Variants in RABGAP1L observed in about 807,000 individuals in gnomAD.
RABGAP1L encodes RAB GTPase activating protein 1 like.
A neutral mutation model predicts 137.7 loss-of-function variants in RABGAP1L; 63 were observed. That is an observed-to-expected ratio of 0.46 (90% confidence interval 0.37 to 0.56). The LOEUF (loss-of-function observed/expected upper bound fraction) is 0.56. Ranked by LOEUF, RABGAP1L falls within the 20% of genes least tolerant of loss-of-function variation. The pLI is 0.00. For synonymous variants in RABGAP1L, 431 were observed against 433.7 expected (o/e 0.99, Z 0.08); for missense variants, 1,095 against 1,244.0 (o/e 0.88, Z 1.80).
At position 174,556,204 on chromosome 1, in the gene RABGAP1L, G is replaced by A. The variant is rs1420948560; in HGVS notation, c.1711-81171G>A. ...GTAGAAATGGGGTTTCACCATCTTG[G>A]CCAGGTTGTTCTCGAACTCCTGACC... On this transcript the variant is annotated intron_variant, in intron 13 of 25. Transcript: ENST00000681986. 5.9e-5 allele frequency among the ~76,000 whole-genome samples: 9 copies of A among 151,796 alleles called. No individual in the cohort carries two copies. In the South Asian group the frequency reaches 1.9e-3, roughly 32 times the overall value.
intron 10 of RABGAP1L, among the ~76,000 whole-genome samples, chr1:174,292,451 G>A (rs894004061): frequency 2.1e-5 from 3 of 142,896 alleles, no homozygotes; most frequent in African/African-American, 5.2e-5. Context: ...AATATATTGT[G>A]TGTTCATTTT....
chr1:174,741,107 G>A (rs1453768833), intron 17 of RABGAP1L, among the ~76,000 whole-genome samples: 1 of 147,884 alleles, frequency 6.8e-6, no homozygotes, highest in Non-Finnish European at 1.5e-5. Context: ...CTTATTTTTG[G>A]TTTTGTTGCC....
chr1:174,836,050 C>G (rs1364201799), intron 19 of RABGAP1L, among the ~76,000 whole-genome samples: 1 of 152,194 alleles, frequency 6.6e-6, no homozygotes, highest in Non-Finnish European at 1.5e-5. Context: ...AAAAAATAAA[C>G]TATTATTTTA....
At chr1:174,456,270 AAC>A (rs1481938820) in intron 13 of RABGAP1L, among the ~76,000 whole-genome samples, 16 of 152,060 alleles carry the variant, frequency 1.1e-4, no homozygotes, top group African/African-American at 3.9e-4. Context: ...TCCTTTTGAA[AAC>A]ACAGCAGTCA....
At chr1:174,566,455 T>G (rs76241953) in intron 13 of RABGAP1L, among the ~76,000 whole-genome samples, 2,512 of 152,252 alleles carry the variant, frequency 0.016, 45 homozygotes, top group African/African-American at 0.058. Context: ...TCATGGTTGA[T>G]GTTTTGTGGC....
intron 17 of RABGAP1L, among the ~76,000 whole-genome samples, chr1:174,715,073 A>T (rs1006990988): frequency 1.3e-5 from 2 of 152,184 alleles, no homozygotes; most frequent in Non-Finnish European, 1.5e-5. Context: ...TGGTAGCTGG[A>T]TCCAAATCAT....
intron 19 of RABGAP1L, among the ~76,000 whole-genome samples, chr1:174,889,437 T>A (rs1655743783): frequency 6.6e-6 from 1 of 152,106 alleles, no homozygotes; most frequent in African/African-American, 2.4e-5. Context: ...TTATTTTTAT[T>A]TGAGACAGGT....
chr1:174,956,881 C>T (rs1668587775), intron 19 of RABGAP1L, among the ~76,000 whole-genome samples: 1 of 152,092 alleles, frequency 6.6e-6, no homozygotes, highest in Admixed American at 6.5e-5. Flanking sequence ...CTCCTGACCT[C>T]AAGTGATCCG....
intron 13 of RABGAP1L, among the ~76,000 whole-genome samples, chr1:174,422,723 G>A (rs778696229): frequency 5.3e-5 from 8 of 151,854 alleles, no homozygotes; most frequent in Non-Finnish European, 8.8e-5. Context: ...CAAGGCAGGC[G>A]GATCACCTGA....
chr1:174,781,900 G>T (rs931952881), intron 18 of RABGAP1L, among the ~76,000 whole-genome samples: 3 of 152,142 alleles, frequency 2.0e-5, no homozygotes, highest in East Asian at 1.9e-4. Flanking sequence ...ATTTCTAAGG[G>T]CTCTGTTCTG....
intron 11 of RABGAP1L, among the ~76,000 whole-genome samples, chr1:174,311,716 C>G (rs989627531): frequency 3.3e-5 from 5 of 152,206 alleles, no homozygotes; most frequent in Admixed American, 6.5e-5. Context: ...AAGCGATTCT[C>G]TTGCCTCAGC....
At chr1:174,311,579 A>C (rs1414131288) in intron 11 of RABGAP1L, among the ~76,000 whole-genome samples, 1 of 152,178 alleles carries the variant, frequency 6.6e-6, no homozygotes, top group Admixed American at 6.5e-5. Flanking sequence ...TCTCCAGTTC[A>C]ATCCATGTTG....
At chr1:174,280,089 G>GAGAGAC (rs1241461814) in intron 10 of RABGAP1L, among the ~76,000 whole-genome samples, 11 of 146,950 alleles carry the variant, frequency 7.5e-5, no homozygotes, top group Admixed American at 6.7e-4. Flanking sequence ...GAGAGAGAGA[G>GAGAGAC]AGACATTAAA....
chr1:174,432,651 C>T (rs560927452), intron 13 of RABGAP1L, among the ~76,000 whole-genome samples: 1 of 152,294 alleles, frequency 6.6e-6, no homozygotes, highest in African/African-American at 2.4e-5. Context: ...AATTCTCCTG[C>T]CTCAGCCTCC....
chr1:174,853,184 C>T (rs773903214), intron 19 of RABGAP1L, among the ~76,000 whole-genome samples: 10 of 148,510 alleles, frequency 6.7e-5, no homozygotes, highest in Middle Eastern at 3.6e-3. Flanking sequence ...TAATAATTTG[C>T]ATAATATGAT....
chr1:174,843,042 A>G (rs537899421), intron 19 of RABGAP1L, among the ~76,000 whole-genome samples: 37 of 152,246 alleles, frequency 2.4e-4, no homozygotes, highest in African/African-American at 8.9e-4. Context: ...TGTAAAAACA[A>G]TTATTCCATA....
intron 18 of RABGAP1L, among the ~76,000 whole-genome samples, chr1:174,754,169 G>A (rs534284410): frequency 6.6e-6 from 1 of 152,128 alleles, no homozygotes; most frequent in Non-Finnish European, 1.5e-5. Context: ...GGGCACTCTT[G>A]TAGCATCATC....
At chr1:174,615,749 C>A (rs1671776624) in intron 13 of RABGAP1L, among the ~76,000 whole-genome samples, 1 of 152,208 alleles carries the variant, frequency 6.6e-6, no homozygotes, top group African/African-American at 2.4e-5. Context: ...AGCTTCCCGG[C>A]TGCTTTGTTT....
At chr1:174,247,680 C>T (rs1482027770) in intron 5 of RABGAP1L, among the ~76,000 whole-genome samples, 3 of 152,336 alleles carry the variant, frequency 2.0e-5, no homozygotes, top group Admixed American at 6.5e-5. Flanking sequence ...TGGTGCCCTG[C>T]ATTTGCATAT....
Sources: allele counts gnomAD v4.1 joint callset (sites outside exome capture counted in the v4.1 genomes callset), GRCh38; gene constraint gnomAD v4.1.1; transcripts MANE v1.5; gene names NCBI Gene and HGNC (gene_info 2026-07-23, HGNC 2026-07-21).